FGD3: variants seen among roughly 807,000 people sequenced by gnomAD.
FGD3 encodes the protein FYVE, RhoGEF and PH domain containing 3, also known as FYVE, RhoGEF and PH domain-containing protein 3.
Under a neutral mutation model 71.8 loss-of-function variants are expected in FGD3, and 45 were observed. The observed-to-expected ratio is 0.63, with a 90% CI of 0.49 to 0.80. FGD3 has a LOEUF of 0.80. Among genes scored for constraint, FGD3 ranks in the 30% least tolerant of loss-of-function variants. The probability of loss-of-function intolerance (pLI) is 0.00; values close to 1 mark genes in which losing one functional copy is unlikely to be tolerated. For synonymous variants in FGD3, 378 were observed against 392.8 expected, an observed-to-expected ratio of 0.96 and a Z score of 0.44; for missense variants, 844 against 951.5, an observed-to-expected ratio of 0.89 and a Z score of 1.49.
rs1860911709 is a variant in FGD3, at chr9:93,002,942, G to A, written c.471G>A (p.Lys157=). 6.2e-7 allele frequency: 1 copy of A among 1,614,066 alleles called. No individual in the cohort carries two copies. The highest frequency in any genetic ancestry group is 8.5e-7 in the Non-Finnish European group (1 of 1,180,028). ...AGLAQHSGPQ[K]LLHIAQELLH... ...CTCCGCAGCACTCTGGCCCCCAGAA[G>A]CTTCTCCACATTGCCCAGGAGCTCC... is the stretch of plus-strand genomic sequence containing the variant. Residue 157 remains lysine, a synonymous_variant, in exon 4 of 18, where the codon AAG becomes AAA. Transcript: ENST00000375482.
chr9:93,028,186 C>A (rs1396706893), intron 14 of FGD3, among the ~76,000 whole-genome samples: 4 of 141,914 alleles, frequency 2.8e-5, no homozygotes, highest in Non-Finnish European at 4.5e-5. Context: ...GGCCCCTCAG[C>A]CCCTAGCCCC....
Position 93,013,911 on chromosome 9 carries a change from C to G in FGD3, c.1095C>G (p.Val365=). Residue 365 remains valine (V), a synonymous_variant, in exon 9 of 18, where the codon GTC becomes GTG. Coordinates refer to ENST00000375482, the MANE Select transcript of FGD3 (RefSeq NM_001083536.2). The part of the protein sequence containing the change: ...YEQLGGEEDI[V]NPANELIKEG... ...AGCTGGGTGGGGAAGAAGACATTGT[C>G]AACCCGGCCAATGAACTGATCAAGG... The G allele has an allele frequency of 6.2e-7, 1 of 1,612,850 alleles. No homozygotes were observed. Among genetic ancestry groups the G allele is most frequent in the Non-Finnish European group, 8.5e-7 (1 of 1,179,566 alleles).
At chr9:92,965,807 A>T (rs781357604) in intron 1 of FGD3, among the ~76,000 whole-genome samples, 1 of 152,180 alleles carries the variant, frequency 6.6e-6, no homozygotes, top group Non-Finnish European at 1.5e-5. Context: ...GGGAGCTCCC[A>T]AAGCATCCTC....
chr9:92,949,566 CGAGGG>C (rs1564137302), intron 1 of FGD3, among the ~76,000 whole-genome samples: 1 of 152,156 alleles, frequency 6.6e-6, no homozygotes, highest in Non-Finnish European at 1.5e-5. Flanking sequence ...GACATCCCAA[CGAGGG>C]ATATCCAGCA....
intron 1 of FGD3, among the ~76,000 whole-genome samples, chr9:92,974,223 A>C (rs548010380): frequency 6.6e-6 from 1 of 152,230 alleles, no homozygotes; most frequent in East Asian, 1.9e-4. Context: ...CTTTGAACAC[A>C]CCGAGGCTGA....
chr9:92,967,226 G>T (rs1859364976), intron 1 of FGD3, among the ~76,000 whole-genome samples: 1 of 152,152 alleles, frequency 6.6e-6, no homozygotes. Context: ...GCCTCCCAAA[G>T]TGCTGGAATT....
intron 15 of FGD3, 39 bp from the exon 16 acceptor site, chr9:93,032,730 C>G: frequency 6.3e-7 from 1 of 1,595,226 alleles, no homozygotes; most frequent in Non-Finnish European, 8.6e-7. Flanking sequence ...AATCCTCTGT[C>G]CCAGGGTGCT....
chr9:92,979,584 A>G (rs1313351811), intron 3 of FGD3, among the ~76,000 whole-genome samples: 1 of 152,118 alleles, frequency 6.6e-6, no homozygotes, highest in Non-Finnish European at 1.5e-5. Context: ...TATCGTCTTT[A>G]TATGGCCTTG....
chr9:92,986,016 T>C (rs1291403228), intron 3 of FGD3, among the ~76,000 whole-genome samples: 1 of 152,172 alleles, frequency 6.6e-6, no homozygotes, highest in Non-Finnish European at 1.5e-5. Context: ...CCCTTAACCT[T>C]GGTCCCATTT....
intron 1 of FGD3, among the ~76,000 whole-genome samples, chr9:92,958,873 G>A (rs1427968879): frequency 6.6e-6 from 1 of 152,178 alleles, no homozygotes; most frequent in African/African-American, 2.4e-5. Context: ...TTGAACAAAT[G>A]AATGAAAATC....
At chr9:92,982,622 G>A (rs1252465164) in intron 3 of FGD3, among the ~76,000 whole-genome samples, 3 of 150,398 alleles carry the variant, frequency 2.0e-5, no homozygotes, top group African/African-American at 2.5e-5. Flanking sequence ...AGAGTGCAAC[G>A]GCAAGATCAC....
At position 92,976,416 on chromosome 9, in the gene FGD3, G is replaced by T. The variant is rs368894681; in HGVS notation, c.160G>T (p.Asp54Tyr). 2 of 1,611,600 alleles carry T rather than the reference G, an allele frequency of 1.2e-6. No individual in the cohort carries two copies. The highest frequency in any genetic ancestry group is 8.5e-7 in the Non-Finnish European group (1 of 1,179,378). ...CCCTGTCAGCCTGGCTGCAGCAGGG[G>T]ACGGCTCTCCAGACATAGGCCCCAC... ...GDPVSLAAAG[D>Y]GSPDIGPTGE... The change falls in exon 3 of 18, where the codon GAC becomes TAC. Residue 54 changes from aspartate to tyrosine, a missense_variant. By Grantham distance (160) the Asp-to-Tyr change is radical. Transcript: ENST00000375482.
At chr9:92,993,686 A>G (rs79723245) in intron 3 of FGD3, among the ~76,000 whole-genome samples, 2,772 of 152,176 alleles carry the variant, frequency 0.018, 96 homozygotes, top group East Asian at 0.14. Context: ...TCATTGTTCA[A>G]TTCCCATCTA....
At position 92,969,404 on chromosome 9, in the gene FGD3, C is replaced by A. The variant is rs984621301; in HGVS notation, c.-217-5834C>A. Among the ~76,000 whole-genome samples the A allele has an allele frequency of 6.6e-6, 1 of 152,224 alleles. No homozygotes were observed. Among genetic ancestry groups the A allele is most frequent in the African/African-American group, 2.4e-5 (1 of 41,458 alleles). On this transcript the variant is annotated intron_variant, in intron 1 of 17. Coordinates refer to ENST00000375482, the MANE Select transcript of FGD3 (RefSeq NM_001083536.2). This position sits in a 1 kb window ranked among gnomAD's most constrained non-coding sequence, Gnocchi z 4.5. The stretch of plus-strand genomic sequence containing the variant: ...TCCCACATGCTGCCCTCTCTAGTTA[C>A]AGCGAGTCTCTTAGGGGCTCTGTAT...
intron 3 of FGD3, among the ~76,000 whole-genome samples, chr9:92,983,447 C>T (rs777456682): frequency 2.0e-5 from 3 of 151,992 alleles, no homozygotes; most frequent in South Asian, 2.1e-4. Context: ...ACGGCGTGCA[C>T]CCGGGAGGCA....
At chr9:93,011,135 G>A in intron 7 of FGD3, 79 bp from the exon 8 acceptor site, 1 of 1,393,790 alleles carries the variant, frequency 7.2e-7, no homozygotes, top group Non-Finnish European at 1.0e-6. Flanking sequence ...CTCTCTGGAG[G>A]CAGCTGCCCT....
chr9:92,984,779 A>T (rs1860128287), intron 3 of FGD3, among the ~76,000 whole-genome samples: 1 of 151,994 alleles, frequency 6.6e-6, no homozygotes. Flanking sequence ...TTGGTCTCTT[A>T]AATAATGTAA....
chr9:92,976,764 G>T (rs1267767058), intron 3 of FGD3, 55 bp downstream of exon 3: 6 of 1,482,342 alleles, frequency 4.0e-6, no homozygotes, highest in Non-Finnish European at 5.4e-6. Flanking sequence ...CCTTAGGAGG[G>T]GTTTGAGATT....
chr9:93,012,660 CTGTG>C (rs1861462111), intron 8 of FGD3, among the ~76,000 whole-genome samples: 2 of 134,002 alleles, frequency 1.5e-5, no homozygotes, highest in Admixed American at 1.6e-4. Flanking sequence ...TGGCTCACAC[CTGTG>C]AGCCACCAGG....
Sources: allele counts gnomAD v4.1 joint callset (sites outside exome capture counted in the v4.1 genomes callset), GRCh38; gene constraint gnomAD v4.1.1; non-coding constraint Gnocchi (gnomAD v3.1); transcripts MANE v1.5; gene names NCBI Gene and HGNC (gene_info 2026-07-23, HGNC 2026-07-21).